EYS: variants seen among roughly 807,000 people sequenced by gnomAD.
EYS encodes protein eyes shut homolog.
In EYS, 250 loss-of-function variants were observed where a neutral mutation model predicts 282.1. The observed-to-expected ratio is 0.89, with a 90% CI of 0.80 to 0.98. The LOEUF is 0.98. Among genes scored for constraint, EYS ranks in the 50% least tolerant of loss-of-function variants. The pLI is 0.00. For missense variants in EYS, 4,016 were observed against 3,709.0 expected (o/e 1.08, Z -2.15); for synonymous variants, 1,355 against 1,282.9 (o/e 1.06, Z -1.20).
chr6:65,013,669 A>G (rs1771952052), intron 13 of EYS, among the ~76,000 whole-genome samples: 1 of 152,096 alleles, frequency 6.6e-6, no homozygotes, highest in African/African-American at 2.4e-5. Flanking sequence ...TGAGGCCAGA[A>G]GTTTGAGACT....
At chr6:65,054,677 A>G (rs1773363817) in intron 13 of EYS, among the ~76,000 whole-genome samples, 1 of 152,080 alleles carries the variant, frequency 6.6e-6, no homozygotes, top group Non-Finnish European at 1.5e-5. Flanking sequence ...TGATTTCCAG[A>G]AAAATATTAT....
intron 7 of EYS, among the ~76,000 whole-genome samples, chr6:65,395,232 T>A (rs1766237292): frequency 6.6e-6 from 1 of 152,070 alleles, no homozygotes; most frequent in Non-Finnish European, 1.5e-5. Flanking sequence ...CCCGGCTAAT[T>A]TTGTATTTTT....
chr6:64,289,858 A>T (rs1768636249), intron 30 of EYS, among the ~76,000 whole-genome samples: 1 of 152,084 alleles, frequency 6.6e-6, no homozygotes, highest in Admixed American at 6.6e-5. Context: ...TTGAATTTTG[A>T]TTTATATAGT....
chr6:64,315,581 G>T (rs1003741843), intron 29 of EYS, among the ~76,000 whole-genome samples: 1 of 150,788 alleles, frequency 6.6e-6, no homozygotes, highest in African/African-American at 2.4e-5. Flanking sequence ...GATCAAGTCA[G>T]CTTCATCCCT....
chr6:65,402,846 C>T (rs974588828), intron 6 of EYS, among the ~76,000 whole-genome samples: 4 of 152,058 alleles, frequency 2.6e-5, no homozygotes, highest in African/African-American at 9.7e-5. Flanking sequence ...TATTCCCTTC[C>T]TCTTGAATGT....
chr6:64,643,121 C>A (rs35828719), intron 22 of EYS, among the ~76,000 whole-genome samples: 11,911 of 74,620 alleles, frequency 0.16, 492 homozygotes, highest in South Asian at 0.2. Context: ...ATCCCCCCCC[C>A]CAAAAAAAAA....
chr6:63,950,779 T>C (rs1257361240), intron 35 of EYS, among the ~76,000 whole-genome samples: 1 of 152,036 alleles, frequency 6.6e-6, no homozygotes, highest in African/African-American at 2.4e-5. Context: ...AACCTCTCTA[T>C]CCCTCAACCT....
intron 22 of EYS, among the ~76,000 whole-genome samples, chr6:64,697,728 G>A (rs1166378857): frequency 6.6e-6 from 1 of 152,032 alleles, no homozygotes; most frequent in Non-Finnish European, 1.5e-5. Flanking sequence ...TGGATCATGA[G>A]GTCAAGAGAT....
intron 12 of EYS, among the ~76,000 whole-genome samples, chr6:65,071,967 T>G (rs35911536): frequency 0.24 from 36,075 of 151,480 alleles, 4,882 homozygotes; most frequent in South Asian, 0.32. Flanking sequence ...ACTAGTGTCT[T>G]GATATTGACT....
intron 40 of EYS, among the ~76,000 whole-genome samples, chr6:63,770,564 T>G (rs989677655): frequency 6.6e-6 from 1 of 152,188 alleles, no homozygotes; most frequent in African/African-American, 2.4e-5. Context: ...TCTGCATATA[T>G]AACTTATTTC....
intron 35 of EYS, among the ~76,000 whole-genome samples, chr6:63,880,016 G>A (rs1418527113): frequency 6.6e-6 from 1 of 152,096 alleles, no homozygotes; most frequent in Non-Finnish European, 1.5e-5. Flanking sequence ...TATTTTAACT[G>A]TTGTATTATC....
chr6:64,941,196 C>A (rs1769077760), intron 15 of EYS, among the ~76,000 whole-genome samples: 1 of 151,896 alleles, frequency 6.6e-6, no homozygotes. Context: ...GCCTGGCTAA[C>A]ATGGTGAAAC....
intron 12 of EYS, among the ~76,000 whole-genome samples, chr6:65,142,233 T>C (rs1764363993): frequency 6.6e-6 from 1 of 152,028 alleles, no homozygotes; most frequent in Admixed American, 6.6e-5. Context: ...TAATATATTT[T>C]ATTTCTCTTT....
intron 28 of EYS, among the ~76,000 whole-genome samples, chr6:64,418,427 T>A (rs376710926): frequency 4.6e-5 from 7 of 152,328 alleles, no homozygotes; most frequent in African/African-American, 1.4e-4. Context: ...TTCTTGCCTT[T>A]AAGTCTAAAG....
At chr6:64,777,548 T>G (rs1002753026) in intron 22 of EYS, among the ~76,000 whole-genome samples, 5 of 152,166 alleles carry the variant, frequency 3.3e-5, no homozygotes, top group Non-Finnish European at 7.4e-5. Context: ...TTAATGTGTT[T>G]TATACTTGCT....
At chr6:65,267,733 A>G (rs1582082273) in intron 12 of EYS, among the ~76,000 whole-genome samples, 2 of 152,156 alleles carry the variant, frequency 1.3e-5, no homozygotes, top group East Asian at 3.9e-4. Flanking sequence ...CCAGGTAAAC[A>G]TATGAGAATC....
At chr6:63,729,384 CTCA>C (rs1486960483) in intron 41 of EYS, among the ~76,000 whole-genome samples, 1 of 151,926 alleles carries the variant, frequency 6.6e-6, no homozygotes, top group East Asian at 1.9e-4. Context: ...CATCTAGAAA[CTCA>C]TCATCAAACT....
chr6:65,452,477 C>T (rs1169193542), intron 5 of EYS, among the ~76,000 whole-genome samples: 1 of 151,790 alleles, frequency 6.6e-6, no homozygotes, highest in East Asian at 1.9e-4. Context: ...TAAATTATAG[C>T]TTGCAATGTA....
At chr6:64,193,835 CT>C (rs1174805506) in intron 31 of EYS, among the ~76,000 whole-genome samples, 1 of 152,040 alleles carries the variant, frequency 6.6e-6, no homozygotes, top group Non-Finnish European at 1.5e-5. Flanking sequence ...TGAACTCATC[CT>C]TTTTTATGGC....
Sources: allele counts gnomAD v4.1 joint callset (sites outside exome capture counted in the v4.1 genomes callset), GRCh38; gene constraint gnomAD v4.1.1; transcripts MANE v1.5; gene names NCBI Gene and HGNC (gene_info 2026-07-23, HGNC 2026-07-21).